SPAG9: variants seen among roughly 807,000 people sequenced by gnomAD.
SPAG9 encodes the protein sperm associated antigen 9.
Under a neutral mutation model 166.5 loss-of-function variants are expected in SPAG9, and 35 were observed. That is an observed-to-expected ratio of 0.21 (90% CI 0.16 to 0.28). The LOEUF (loss-of-function observed/expected upper bound fraction) is 0.28, where lower values mean the gene tolerates loss of function less well. SPAG9 is among the 10% of genes least tolerant of loss of function. SPAG9 has a pLI of 1.00. For missense variants in SPAG9, 1,235 were observed against 1,603.3 expected (o/e 0.77, Z 3.92); for synonymous variants, 534 against 565.5 (o/e 0.94, Z 0.79).
intron 19 of SPAG9, among the ~76,000 whole-genome samples, chr17:50,993,434 C>T (rs985108140): frequency 6.6e-6 from 1 of 151,622 alleles, no homozygotes; most frequent in African/African-American, 2.4e-5. Context: ...ATATCACATA[C>T]ACTTCTTTAA....
intron 2 of SPAG9, among the ~76,000 whole-genome samples, chr17:51,079,381 G>A (rs2048102049): frequency 1.3e-5 from 2 of 152,120 alleles, no homozygotes; most frequent in African/African-American, 4.8e-5. Context: ...TGGGATTACA[G>A]TCATGCACAA....
At chr17:51,003,087 T>C (rs2045033400) in intron 12 of SPAG9, among the ~76,000 whole-genome samples, 1 of 150,698 alleles carries the variant, frequency 6.6e-6, no homozygotes, top group Non-Finnish European at 1.5e-5. Context: ...TAAAATTAAA[T>C]TAATAGCCAG....
At chr17:51,114,722 C>T (rs1236619020) in intron 1 of SPAG9, among the ~76,000 whole-genome samples, 1 of 152,108 alleles carries the variant, frequency 6.6e-6, no homozygotes, top group Non-Finnish European at 1.5e-5. Context: ...GAGGTTGAGG[C>T]AGATGAATCA....
intron 1 of SPAG9, among the ~76,000 whole-genome samples, chr17:51,101,035 G>A (rs78727164): frequency 2.6e-5 from 4 of 152,118 alleles, no homozygotes; most frequent in East Asian, 3.9e-4. Context: ...GAAACCATAG[G>A]CAATCGTCTT....
In SPAG9 at chr17:51,120,345, C is replaced by G; in HGVS notation, c.303+9G>C. ...GATCCCGCGGCCCCCGCCCTGCCGCCGGCCTCACCTCCTCAGCGTGCTTGC... is the reference window on the plus strand; with the variant it reads ...GATCCCGCGGCCCCCGCCCTGCCGCGGGCCTCACCTCCTCAGCGTGCTTGC... On this transcript the variant is annotated intron_variant, in intron 1 of 29. Transcript: ENST00000262013. The surrounding 1 kb of genome is among the most constrained non-coding windows in gnomAD (Gnocchi z 4.7). 1 of 1,557,688 alleles carries G rather than the reference C, an allele frequency of 6.4e-7. No homozygotes were observed. Among genetic ancestry groups the G allele is most frequent in the South Asian group, 1.2e-5 (1 of 86,642 alleles).
chr17:50,987,687 T>C (rs1489510467), intron 21 of SPAG9, among the ~76,000 whole-genome samples: 3 of 152,104 alleles, frequency 2.0e-5, no homozygotes, highest in Non-Finnish European at 4.4e-5. Flanking sequence ...ATTCAGACAA[T>C]TACTATGGCT....
chr17:50,976,353 A>C (rs964459209), intron 27 of SPAG9, among the ~76,000 whole-genome samples: 1 of 152,158 alleles, frequency 6.6e-6, no homozygotes, highest in Non-Finnish European at 1.5e-5. Flanking sequence ...GAGAGGTCTA[A>C]ATATGATTTA....
intron 26 of SPAG9, among the ~76,000 whole-genome samples, 167 bp from the exon 27 acceptor site, chr17:50,977,388 T>C (rs1974280380): frequency 6.6e-6 from 1 of 152,176 alleles, no homozygotes; most frequent in African/African-American, 2.4e-5. Context: ...TAGATGGATG[T>C]TTCCTGAAGG....
chr17:50,964,864 C>G lies in SPAG9; in HGVS notation c.*1408G>C. On this transcript the variant is annotated 3_prime_UTR_variant, in exon 30 of 30. Coordinates refer to ENST00000262013, the MANE Select transcript of SPAG9 (RefSeq NM_001130528.3). ...ACCTCCTGGGCCCAGGTCATCCTCC[C>G]ACCTCAGCCTCCCAAGTAGCTGGGA... 1 of 277,174 alleles carries G rather than the reference C, an allele frequency of 3.6e-6. No homozygotes were observed. Among genetic ancestry groups the G allele is most frequent in the South Asian group, 2.6e-5 (1 of 38,364 alleles). The allele number at this position is 277,174 out of a possible 1,614,324, so 17.2% of individuals were successfully genotyped here.
chr17:50,976,219 CTTTA>C (rs1225113117), intron 27 of SPAG9, among the ~76,000 whole-genome samples: 1 of 151,886 alleles, frequency 6.6e-6, no homozygotes, highest in Non-Finnish European at 1.5e-5. Context: ...AAAATTTCTC[CTTTA>C]TTTCTCTGTG....
intron 16 of SPAG9, 33 bp from the exon 17 acceptor site, chr17:50,995,566 A>C: frequency 7.6e-7 from 1 of 1,310,458 alleles, no homozygotes; most frequent in Non-Finnish European, 1.1e-6. Context: ...TGAAAAAGGC[A>C]CATTAGTAAG....
chr17:51,024,713 CA>C lies in SPAG9; in HGVS notation c.784-3349del, dbSNP rs35903769. ...GGGCAAAAAGAGCAAGACTCTGTCT[CA>C]AAAAAAAAAAAAAAATTGTACAATA... On this transcript the variant is annotated intron_variant, in intron 6 of 29. Transcript: ENST00000262013. Among the ~76,000 whole-genome samples, 312 of 126,798 alleles carry C rather than the reference CA, an allele frequency of 2.5e-3. 1 individual carries two copies. Among genetic ancestry groups the C allele is most frequent in the African/African-American group, 4.5e-3 (153 of 33,676 alleles). The allele number at this position is 126,798 out of a possible 152,430, so 83.2% of individuals were successfully genotyped here. A position where few individuals can be genotyped will look rare whatever the true frequency, so the allele number is the denominator to read the frequency against.
chr17:51,091,606 G>A (rs567105193), intron 1 of SPAG9, among the ~76,000 whole-genome samples: 24 of 151,932 alleles, frequency 1.6e-4, no homozygotes, highest in African/African-American at 5.5e-4. Flanking sequence ...GGTATGAAAC[G>A]CACATACTCC....
At chr17:50,972,105 A>G (rs1363503015) in intron 28 of SPAG9, among the ~76,000 whole-genome samples, 2 of 152,192 alleles carry the variant, frequency 1.3e-5, no homozygotes, top group East Asian at 3.8e-4. Context: ...ATGTTTGCCC[A>G]GGCTGGTCTC....
rs138014519 is a variant in SPAG9, at chr17:50,970,646, T to C, written c.3850+61A>G. 2.8e-4 allele frequency: 409 copies of C among 1,457,678 alleles called. 1 individual carries two copies. The African/African-American group carries it at 5.0e-3, about 18-fold the overall frequency. 90.3% of individuals were successfully genotyped at this position (1,457,678 alleles called of 1,614,324 possible). A position where few individuals can be genotyped will look rare whatever the true frequency, so the allele number is the denominator to read the frequency against. ...TATCAGAGTGGTTTCTTATTTACTT[T>C]GGGACAAAACCCAAGTCATAGCACA... On this transcript the variant is annotated intron_variant, in intron 29 of 29. Coordinates refer to ENST00000262013, the MANE Select transcript of SPAG9 (RefSeq NM_001130528.3).
chr17:51,060,891 G>A (rs1475973940), intron 2 of SPAG9, among the ~76,000 whole-genome samples: 1 of 147,926 alleles, frequency 6.8e-6, no homozygotes, highest in Admixed American at 6.8e-5. Flanking sequence ...TCTGTCCCCA[G>A]GCTGGAGTGC....
intron 26 of SPAG9, among the ~76,000 whole-genome samples, chr17:50,978,165 C>T (rs1974327466): frequency 1.3e-5 from 2 of 152,220 alleles, no homozygotes; most frequent in South Asian, 4.1e-4. Context: ...GCAGGTAATA[C>T]ATTTAAGAAA....
intron 1 of SPAG9, among the ~76,000 whole-genome samples, chr17:51,106,202 T>C (rs1433695351): frequency 2.7e-5 from 4 of 146,482 alleles, no homozygotes; most frequent in African/African-American, 1.0e-4. Flanking sequence ...ACTCAGGAGG[T>C]TGAGGCAAAA....
chr17:51,084,421 C>T (rs1388492905), intron 1 of SPAG9, among the ~76,000 whole-genome samples: 2 of 151,834 alleles, frequency 1.3e-5, no homozygotes, highest in Admixed American at 6.6e-5. Flanking sequence ...TGGAGTCTTG[C>T]TCTGTCACCC....
Sources: gnomAD v4.1 joint callset for allele counts (sites outside exome capture counted in the v4.1 genomes callset) on GRCh38, gnomAD v4.1.1 for gene constraint, Gnocchi (gnomAD v3.1) non-coding constraint, MANE v1.5 for transcripts, NCBI Gene and HGNC (gene_info 2026-07-23, HGNC 2026-07-21) for gene names.